RGS5: variants seen among roughly 807,000 people sequenced by gnomAD.
The protein encoded by RGS5 is regulator of G protein signaling 5.
A neutral mutation model predicts 18.9 loss-of-function variants in RGS5; 20 were observed. That is an observed-to-expected ratio of 1.06 (90% CI 0.74 to 1.54). The LOEUF is 1.54. Among genes scored for constraint, RGS5 ranks in the 40% most tolerant of loss-of-function variants. The pLI is 0.00. For synonymous variants in RGS5, 57 were observed against 76.2 expected, an observed-to-expected ratio of 0.75 and a Z score of 1.31; for missense variants, 201 against 211.8, an observed-to-expected ratio of 0.95 and a Z score of 0.32.
chr1:163,222,591 A>G (rs1352196491), upstream of RGS5, among the ~76,000 whole-genome samples: 1 of 152,124 alleles, frequency 6.6e-6, no homozygotes, highest in African/African-American at 2.4e-5. Context: ...TAGATATCTT[A>G]TTAAATAGCG....
At chr1:163,320,980 G>A (rs1338813496) in intron 1 of RGS5, among the ~76,000 whole-genome samples, 2 of 152,092 alleles carry the variant, frequency 1.3e-5, no homozygotes, top group African/African-American at 2.4e-5. Context: ...GTCCTATTAC[G>A]TCTTCTCCTG....
At chr1:163,223,884 C>T (rs143142120) in intron 2 of RGS5, among the ~76,000 whole-genome samples, 2 of 152,242 alleles carry the variant, frequency 1.3e-5, no homozygotes, top group African/African-American at 4.8e-5. Context: ...CTGGGAGCAA[C>T]ATAAGGTCAT....
chr1:163,252,063 T>G (rs1025871993), intron 2 of RGS5, among the ~76,000 whole-genome samples: 1 of 152,158 alleles, frequency 6.6e-6, no homozygotes, highest in African/African-American at 2.4e-5. Context: ...TATATTTAGT[T>G]TACTAAGTAA....
In RGS5 at chr1:163,180,904, G is replaced by C. The variant is rs566102944; in HGVS notation, c.45-12536C>G. On this transcript the variant is annotated intron_variant, in intron 1 of 4. Coordinates refer to ENST00000313961, the MANE Select transcript of RGS5 (RefSeq NM_003617.4). ...AGAGACGGGGTTACACCGCGTTAGC[G>C]AGGATGGTCTCGATATCCCGACCTC... Among the ~76,000 whole-genome samples the C allele has an allele frequency of 4.6e-5, 7 of 151,888 alleles. No individual in the cohort carries two copies. The East Asian group carries it at 7.8e-4, about 17-fold the overall frequency.
chr1:163,313,238 T>A (rs1321199804), intron 1 of RGS5, among the ~76,000 whole-genome samples: 1 of 152,078 alleles, frequency 6.6e-6, no homozygotes, highest in Non-Finnish European at 1.5e-5. Flanking sequence ...TTATTTTCTT[T>A]AAAAAAAATT....
intron 2 of RGS5, among the ~76,000 whole-genome samples, chr1:163,262,705 T>C (rs1298113269): frequency 2.1e-5 from 3 of 142,496 alleles, no homozygotes; most frequent in South Asian, 2.5e-4. Context: ...ATGGTATTTC[T>C]AGTTCTAGAT....
chr1:163,196,824 G>A (rs1160104047), intron 1 of RGS5, among the ~76,000 whole-genome samples: 1 of 152,042 alleles, frequency 6.6e-6, no homozygotes, highest in Non-Finnish European at 1.5e-5. Flanking sequence ...TTTTCCGATT[G>A]TGGCCTAAAA....
chr1:163,173,472 G>T (rs1038398626), intron 1 of RGS5, among the ~76,000 whole-genome samples: 4 of 152,168 alleles, frequency 2.6e-5, no homozygotes, highest in Non-Finnish European at 5.9e-5. Flanking sequence ...AAAGGCCACG[G>T]ACCACCTCAG....
chr1:163,290,320 G>T (rs1025621781), intron 2 of RGS5, among the ~76,000 whole-genome samples: 1 of 152,106 alleles, frequency 6.6e-6, no homozygotes, highest in Non-Finnish European at 1.5e-5. Context: ...CCACGTCCTC[G>T]ATTTCCTTGG....
intron 2 of RGS5, chr1:163,162,859 G>C (rs182505473): frequency 1.3e-5 from 2 of 152,250 alleles, no homozygotes; most frequent in East Asian, 3.9e-4. Flanking sequence ...CACCCAGCTC[G>C]AACTCTTGCA....
At chr1:163,154,850 T>C (rs28491131) in intron 3 of RGS5, among the ~76,000 whole-genome samples, 2 of 149,338 alleles carry the variant, frequency 1.3e-5, no homozygotes, top group Admixed American at 6.7e-5. Context: ...CTATATATAA[T>C]ATATAGATAT....
intron 2 of RGS5, among the ~76,000 whole-genome samples, chr1:163,299,650 A>T (rs1649504999): frequency 6.6e-6 from 1 of 152,218 alleles, no homozygotes; most frequent in Non-Finnish European, 1.5e-5. Flanking sequence ...TGTGTTGATG[A>T]CAACTCGAAA....
chr1:163,180,796 G>A (rs1405322154), intron 1 of RGS5, among the ~76,000 whole-genome samples: 5 of 143,630 alleles, frequency 3.5e-5, no homozygotes, highest in African/African-American at 5.2e-5. Context: ...CCGGGTTCAC[G>A]CCATTCTCCT....
chr1:163,254,227 C>T (rs2101700521), intron 2 of RGS5, among the ~76,000 whole-genome samples: 1 of 148,838 alleles, frequency 6.7e-6, no homozygotes, highest in South Asian at 2.2e-4. Context: ...AATCGCCACA[C>T]TGACTTCCAC....
chr1:163,188,494 T>A (rs1236471456), intron 1 of RGS5, among the ~76,000 whole-genome samples: 1 of 152,026 alleles, frequency 6.6e-6, no homozygotes, highest in African/African-American at 2.4e-5. Flanking sequence ...TGTGAAGGAG[T>A]TCCTTCATTT....
At chr1:163,166,408 C>T (rs1242997586) in intron 2 of RGS5, among the ~76,000 whole-genome samples, 1 of 152,060 alleles carries the variant, frequency 6.6e-6, no homozygotes, top group South Asian at 2.1e-4. Context: ...TACCTCCAAT[C>T]AAGAGAAGAA....
intron 2 of RGS5, among the ~76,000 whole-genome samples, chr1:163,271,107 C>G (rs1262649870): frequency 6.6e-6 from 1 of 152,140 alleles, no homozygotes; most frequent in African/African-American, 2.4e-5. Flanking sequence ...TTGCAGTGCA[C>G]CATACCCTCT....
chr1:163,243,643 CAAAAAAAAAAA>C (rs3069033), intron 2 of RGS5, among the ~76,000 whole-genome samples: 4 of 55,134 alleles, frequency 7.3e-5, no homozygotes, highest in East Asian at 6.0e-4. Context: ...GACTCCGTCT[CAAAAAAAAAAA>C]AAAAAAAAAA....
intron 4 of RGS5, among the ~76,000 whole-genome samples, chr1:163,147,924 T>TTTCTTTTTTC (rs796509175): frequency 3.9e-4 from 53 of 134,414 alleles, no homozygotes; most frequent in African/African-American, 1.3e-3. Context: ...TTTTCTTTTT[T>TTTCTTTTTTC]TTTTTTTTTT....
Sources: allele counts gnomAD v4.1 joint callset (sites outside exome capture counted in the v4.1 genomes callset), GRCh38; gene constraint gnomAD v4.1.1; transcripts MANE v1.5; gene names NCBI Gene and HGNC (gene_info 2026-07-23, HGNC 2026-07-21).